CPEB3: variants seen among roughly 807,000 people sequenced by gnomAD.
CPEB3 encodes the protein cytoplasmic polyadenylation element-binding protein 3.
Under a neutral mutation model 67.2 loss-of-function variants are expected in CPEB3, and 20 were observed. The observed-to-expected ratio is 0.30, with a 90% CI of 0.21 to 0.43. The LOEUF is 0.43. Among genes scored for constraint, CPEB3 ranks in the 20% least tolerant of loss-of-function variants. The pLI is 1.00. For missense variants in CPEB3, 746 were observed against 968.6 expected, an observed-to-expected ratio of 0.77 and a Z score of 3.05; for synonymous variants, 376 against 393.1, an observed-to-expected ratio of 0.96 and a Z score of 0.51.
chr10:92,290,191 C>T (rs1424745684), intron 1 of CPEB3, among the ~76,000 whole-genome samples: 2 of 152,094 alleles, frequency 1.3e-5, no homozygotes, highest in African/African-American at 2.4e-5. Context: ...AAACTACCAG[C>T]GTCCTACCAA....
intron 9 of CPEB3, among the ~76,000 whole-genome samples, chr10:92,074,067 C>T (rs983350642): frequency 2.6e-5 from 4 of 151,830 alleles, no homozygotes; most frequent in African/African-American, 9.7e-5. Flanking sequence ...AAAGGTCTTC[C>T]CATCTGAGCC....
chr10:92,244,446 C>CTTTTTT (rs369613347), intron 1 of CPEB3, among the ~76,000 whole-genome samples: 1 of 150,104 alleles, frequency 6.7e-6, no homozygotes, highest in Non-Finnish European at 1.5e-5. Context: ...ATACAGTTTT[C>CTTTTTT]TTTTTTTTTG....
In CPEB3 at chr10:92,048,382, C is replaced by G. The variant is rs1346236323; in HGVS notation, c.*3830G>C. 1.3e-5 allele frequency: 1 copy of G among 77,102 alleles called. No homozygotes were observed. Among genetic ancestry groups the G allele is most frequent in the Non-Finnish European group, 2.6e-5 (1 of 38,136 alleles). The allele number at this position is 77,102 out of a possible 1,614,324, so 4.8% of individuals were successfully genotyped here. ...AGTTTTTCTCTCTCTCTCTCTCTCT[C>G]TCTCTCACACACACACACACACACA... On this transcript the variant is annotated 3_prime_UTR_variant, in exon 10 of 10. Coordinates refer to ENST00000265997, the MANE Select transcript of CPEB3 (RefSeq NM_014912.5). This position sits in a 1 kb window ranked among gnomAD's most constrained non-coding sequence, Gnocchi z 4.1.
At chr10:92,186,152 G>A (rs1480857985) in intron 3 of CPEB3, among the ~76,000 whole-genome samples, 1 of 148,206 alleles carries the variant, frequency 6.7e-6, no homozygotes, top group African/African-American at 2.5e-5. Flanking sequence ...TGGGCAGATC[G>A]CTTGAGCTCA....
chr10:92,084,058 G>A (rs1261118868), intron 8 of CPEB3, among the ~76,000 whole-genome samples: 1 of 151,650 alleles, frequency 6.6e-6, no homozygotes, highest in Non-Finnish European at 1.5e-5. Flanking sequence ...GGCAGACGCC[G>A]GGAGGCTGAG....
chr10:92,172,418 A>G (rs1848045545), intron 4 of CPEB3, among the ~76,000 whole-genome samples: 1 of 152,252 alleles, frequency 6.6e-6, no homozygotes, highest in Non-Finnish European at 1.5e-5. Context: ...TCTGAAAGTA[A>G]CACTGAACAT....
chr10:92,206,504 C>A (rs1849797906), intron 2 of CPEB3, among the ~76,000 whole-genome samples: 1 of 152,050 alleles, frequency 6.6e-6, no homozygotes, highest in Non-Finnish European at 1.5e-5. Flanking sequence ...TAGCCTCCAG[C>A]TCCTGGGTTC....
intron 2 of CPEB3, chr10:92,216,496 G>A (rs1850406171): frequency 6.2e-7 from 1 of 1,612,924 alleles, no homozygotes; most frequent in Non-Finnish European, 8.5e-7. Context: ...AGAAAGCGGT[G>A]AAGCAGAAGC....
intron 3 of CPEB3, among the ~76,000 whole-genome samples, chr10:92,191,277 C>T (rs1848969685): frequency 6.6e-6 from 1 of 151,860 alleles, no homozygotes; most frequent in African/African-American, 2.4e-5. Flanking sequence ...TGGCGGGCAC[C>T]TGTAATCCCA....
intron 1 of CPEB3, among the ~76,000 whole-genome samples, chr10:92,283,160 G>A (rs1178478021): frequency 1.3e-5 from 2 of 152,088 alleles, no homozygotes. Context: ...GCTGAGGTGG[G>A]AGGATCACCT....
intron 9 of CPEB3, among the ~76,000 whole-genome samples, chr10:92,069,355 T>A (rs1222736971): frequency 6.6e-6 from 1 of 152,126 alleles, no homozygotes; most frequent in African/African-American, 2.4e-5. Context: ...AATAAAAAAT[T>A]GACTATTCTA....
At chr10:92,133,742 C>T (rs1027354989) in intron 6 of CPEB3, among the ~76,000 whole-genome samples, 2 of 152,088 alleles carry the variant, frequency 1.3e-5, no homozygotes, top group South Asian at 2.1e-4. Context: ...ATATCCCTGA[C>T]GAATATGGAT....
intron 2 of CPEB3, among the ~76,000 whole-genome samples, chr10:92,210,946 G>A (rs1850051714): frequency 1.3e-5 from 2 of 152,350 alleles, no homozygotes; most frequent in East Asian, 3.9e-4. Context: ...TGAGGCAGGA[G>A]AATCGCTTGA....
chr10:92,180,277 T>C (rs984224874), intron 4 of CPEB3, among the ~76,000 whole-genome samples: 1 of 152,202 alleles, frequency 6.6e-6, no homozygotes, highest in Non-Finnish European at 1.5e-5. Context: ...TGCTGACATA[T>C]ATACCATGCA....
intron 6 of CPEB3, 44 bp downstream of exon 6, chr10:92,142,985 A>G (rs1229033099): frequency 2.9e-6 from 4 of 1,395,200 alleles, no homozygotes; most frequent in Non-Finnish European, 4.1e-6. Context: ...CTGTCATGCT[A>G]TCTCTCCAAC....
chr10:92,080,681 C>T (rs1354231035), intron 9 of CPEB3, among the ~76,000 whole-genome samples: 1 of 152,072 alleles, frequency 6.6e-6, no homozygotes, highest in African/African-American at 2.4e-5. Flanking sequence ...CCAAGCTCCA[C>T]CTCCCAGGTT....
At chr10:92,184,368 G>T (rs1848593311) in intron 3 of CPEB3, among the ~76,000 whole-genome samples, 1 of 152,192 alleles carries the variant, frequency 6.6e-6, no homozygotes. Context: ...ACTTTGGGAG[G>T]CCGAGGCAGT....
intron 7 of CPEB3, among the ~76,000 whole-genome samples, chr10:92,110,587 T>A (rs558453179): frequency 6.6e-6 from 1 of 152,344 alleles, no homozygotes; most frequent in South Asian, 2.1e-4. Flanking sequence ...TCTCCTCTCC[T>A]GCTCTGTTGA....
At chr10:92,196,931 C>CAA (rs111973111) in intron 2 of CPEB3, among the ~76,000 whole-genome samples, 77 of 125,002 alleles carry the variant, frequency 6.2e-4, no homozygotes, top group Non-Finnish European at 1.1e-3. Context: ...GACCCCATCT[C>CAA]AAAAAAAAAA....
Sources: gnomAD v4.1 joint callset for allele counts (sites outside exome capture counted in the v4.1 genomes callset) on GRCh38, gnomAD v4.1.1 for gene constraint, Gnocchi (gnomAD v3.1) non-coding constraint, MANE v1.5 for transcripts, NCBI Gene and HGNC (gene_info 2026-07-23, HGNC 2026-07-21) for gene names.